Variants in FAM135B observed in about 807,000 individuals in gnomAD.
FAM135B encodes the protein family with sequence similarity 135 member B.
A neutral mutation model predicts 127.7 loss-of-function variants in FAM135B; 43 were observed. The ratio of observed to expected loss-of-function variants is 0.34; its 90% CI spans 0.26 to 0.43. FAM135B has a LOEUF of 0.43. Ranked by LOEUF, FAM135B falls within the 20% of genes least tolerant of loss-of-function variation. FAM135B has a pLI of 1.00. For missense variants in FAM135B, 1,558 were observed against 1,725.6 expected (o/e 0.90, Z 1.72); for synonymous variants, 670 against 665.1 (o/e 1.01, Z -0.11).
At chr8:138,367,760 C>T in intron 2 of FAM135B, 147 bp downstream of exon 2, 1 of 651,872 alleles carries the variant, frequency 1.5e-6, no homozygotes, top group South Asian at 1.9e-5. Flanking sequence ...GGATTTTTGA[C>T]TTGGCAAGAA....
intron 12 of FAM135B, among the ~76,000 whole-genome samples, chr8:138,155,887 C>T (rs989215458): frequency 5.3e-5 from 8 of 151,976 alleles, no homozygotes; most frequent in South Asian, 4.1e-4. Flanking sequence ...GACAGATGAA[C>T]GAGACAGAAA....
At chr8:138,312,296 T>C (rs1367281633) in intron 2 of FAM135B, among the ~76,000 whole-genome samples, 1 of 152,132 alleles carries the variant, frequency 6.6e-6, no homozygotes, top group Admixed American at 6.6e-5. Flanking sequence ...TCCAGAAAGA[T>C]GAAGTGACAG....
At chr8:138,336,713 T>C (rs1828621128) in intron 2 of FAM135B, among the ~76,000 whole-genome samples, 1 of 152,166 alleles carries the variant, frequency 6.6e-6, no homozygotes, top group Non-Finnish European at 1.5e-5. Context: ...TCTGAAATTA[T>C]TACAATTAAT....
intron 7 of FAM135B, among the ~76,000 whole-genome samples, chr8:138,227,477 T>C (rs1327164803): frequency 6.6e-6 from 1 of 152,206 alleles, no homozygotes; most frequent in Non-Finnish European, 1.5e-5. Context: ...GGCATACAAC[T>C]GCTCCTACGT....
At chr8:138,223,297 C>A (rs1819172905) in intron 7 of FAM135B, among the ~76,000 whole-genome samples, 1 of 152,134 alleles carries the variant, frequency 6.6e-6, no homozygotes, top group Non-Finnish European at 1.5e-5. Context: ...ACTACTTCAC[C>A]CAACACTTGT....
intron 2 of FAM135B, chr8:138,367,403 ACTGCATCCTCAAAAAG>A: frequency 2.2e-6 from 1 of 456,404 alleles, no homozygotes; most frequent in South Asian, 1.5e-5. Context: ...CCAAATTCAG[ACTGCATCCTCAAAAAG>A]ATGAAAGCAT....
Position 138,141,392 on chromosome 8 carries a change from T to G in FAM135B, c.3639-43A>C, listed in dbSNP as rs2130601249. The stretch of plus-strand genomic sequence containing the variant: ...GGGTACCCATGAGTGTGACGGTGAA[T>G]GCTGCTGCCCAAGAGTGCAGTGCTG... On this transcript the variant is annotated intron_variant, in intron 16 of 19. Transcript: ENST00000395297. This position sits in a 1 kb window ranked among gnomAD's most constrained non-coding sequence, Gnocchi z 4.7. 1 of 1,605,986 alleles carries G rather than the reference T, an allele frequency of 6.2e-7. No homozygotes were observed.
intron 9 of FAM135B, among the ~76,000 whole-genome samples, chr8:138,194,090 CTT>C (rs1816401429): frequency 6.6e-6 from 1 of 152,178 alleles, no homozygotes; most frequent in Non-Finnish European, 1.5e-5. Flanking sequence ...GACATTAGGC[CTT>C]TGACTCGTCT....
chr8:138,355,143 T>C (rs1466769413), intron 2 of FAM135B, among the ~76,000 whole-genome samples: 1 of 152,092 alleles, frequency 6.6e-6, no homozygotes, highest in Admixed American at 6.6e-5. Context: ...AGTTCAACCA[T>C]TGTGGAAGAC....
chr8:138,237,104 T>C (rs1820341393), intron 7 of FAM135B, among the ~76,000 whole-genome samples: 1 of 151,490 alleles, frequency 6.6e-6, no homozygotes, highest in Non-Finnish European at 1.5e-5. Context: ...GCAGCCTTCC[T>C]TGGGGAAGAA....
chr8:138,232,306 C>T lies in FAM135B; in HGVS notation c.669+10636G>A, dbSNP rs76202338. Among the ~76,000 whole-genome samples the T allele has an allele frequency of 5.4e-3, 827 of 152,338 alleles. 7 individuals carry two copies. Among genetic ancestry groups the T allele is most frequent in the African/African-American group, 0.019 (786 of 41,568 alleles). ...CCAGTGCCTCATTGTCACCATGTGA[C>T]ATCTCCATCATGCCCAGAAATACTG... On this transcript the variant is annotated intron_variant, in intron 7 of 19. Coordinates refer to ENST00000395297, the MANE Select transcript of FAM135B (RefSeq NM_015912.4).
chr8:138,239,881 T>C (rs886380320), intron 7 of FAM135B, among the ~76,000 whole-genome samples: 10 of 151,818 alleles, frequency 6.6e-5, no homozygotes, highest in African/African-American at 2.2e-4. Context: ...CCATCATTCT[T>C]AGCAAACTAT....
chr8:138,323,331 A>T lies in FAM135B; in HGVS notation c.78-12411T>A, dbSNP rs1302614703. ...AGGGGAATTACTATACCTACCTAAA[A>T]ATACCCACCCTTTGCTGACTCCCTT... is the stretch of plus-strand genomic sequence containing the variant. On this transcript the variant is annotated intron_variant, in intron 2 of 19. Transcript: ENST00000395297. 2.0e-5 allele frequency among the ~76,000 whole-genome samples: 3 copies of T among 152,098 alleles called. No individual in the cohort carries two copies. The East Asian group carries it at 5.8e-4, about 29-fold the overall frequency.
chr8:138,308,319 T>A (rs1826414651), intron 3 of FAM135B, among the ~76,000 whole-genome samples: 1 of 152,224 alleles, frequency 6.6e-6, no homozygotes, highest in African/African-American at 2.4e-5. Flanking sequence ...CTGAAGGTAG[T>A]GCATAAATGT....
At chr8:138,217,505 A>G (rs6577890) in intron 7 of FAM135B, among the ~76,000 whole-genome samples, 97,970 of 148,100 alleles carry the variant, frequency 0.66, 32,529 homozygotes, top group South Asian at 0.75. Context: ...ATCTCGGCTC[A>G]CTGCAAGCTC....
At chr8:138,365,303 T>C (rs1830669931) in intron 2 of FAM135B, among the ~76,000 whole-genome samples, 1 of 152,200 alleles carries the variant, frequency 6.6e-6, no homozygotes, top group African/African-American at 2.4e-5. Flanking sequence ...AAGAGTATCC[T>C]AGGCTTGCTG....
chr8:138,420,168 G>C (rs1834408959), intron 1 of FAM135B, among the ~76,000 whole-genome samples: 1 of 151,382 alleles, frequency 6.6e-6, no homozygotes, highest in African/African-American at 2.4e-5. Flanking sequence ...CACTACCACT[G>C]ACCCAACAGG....
At chr8:138,361,953 TTTC>T (rs978257925) in intron 2 of FAM135B, among the ~76,000 whole-genome samples, 3 of 152,116 alleles carry the variant, frequency 2.0e-5, no homozygotes, top group Non-Finnish European at 4.4e-5. Flanking sequence ...TGATGGCCAT[TTTC>T]TTTTTTTCCT....
At chr8:138,371,145 C>T (rs1054226390) in intron 1 of FAM135B, among the ~76,000 whole-genome samples, 2 of 152,188 alleles carry the variant, frequency 1.3e-5, no homozygotes, top group African/African-American at 2.4e-5. Context: ...GCTGCATGAC[C>T]TTGGATCCAT....
Sources: allele counts gnomAD v4.1 joint callset (sites outside exome capture counted in the v4.1 genomes callset), GRCh38; gene constraint gnomAD v4.1.1; non-coding constraint Gnocchi (gnomAD v3.1); transcripts MANE v1.5; gene names NCBI Gene and HGNC (gene_info 2026-07-23, HGNC 2026-07-21).